Variants in BICC1 observed in about 807,000 individuals in gnomAD.
BICC1 encodes the protein protein bicaudal C homolog 1.
In BICC1, 43 loss-of-function variants were observed where a neutral mutation model predicts 111.0. That is an observed-to-expected ratio of 0.39 (90% confidence interval 0.30 to 0.50). The LOEUF (loss-of-function observed/expected upper bound fraction) is 0.50, where lower values mean the gene tolerates loss of function less well. Ranked by LOEUF, BICC1 falls within the 20% of genes least tolerant of loss-of-function variation. BICC1 has a pLI of 0.88. For synonymous variants in BICC1, 467 were observed against 434.4 expected, an observed-to-expected ratio of 1.07 and a Z score of -0.93; for missense variants, 1,091 against 1,203.2, an observed-to-expected ratio of 0.91 and a Z score of 1.38.
chr10:58,701,981 G>T, intron 2 of BICC1, 93 bp from the exon 3 acceptor site: 1 of 897,262 alleles, frequency 1.1e-6, no homozygotes. Flanking sequence ...ATGAACTTAG[G>T]AACTTGAAAA....
intron 3 of BICC1, among the ~76,000 whole-genome samples, chr10:58,748,696 G>A (rs1281836788): frequency 6.6e-6 from 1 of 152,108 alleles, no homozygotes; most frequent in Non-Finnish European, 1.5e-5. Flanking sequence ...GGAGCATGTA[G>A]GGTATTGTAC....
At position 58,513,255 on chromosome 10, in the gene BICC1, G is replaced by T. The variant is rs555230848; in HGVS notation, c.112G>T (p.Gly38Trp). ...CGGCTCCGAGGACGACTTGGTCGCC[G>T]GGGCGACCCTGCACAGCCCGGAGTG... Reference protein sequence around the residue: ...VPGSEDDLVAGATLHSPEWSE... With the variant: ...VPGSEDDLVAWATLHSPEWSE... The change falls in exon 1 of 21, where the codon GGG becomes TGG. Residue 38 changes from glycine (G) to tryptophan (W), a missense_variant. By Grantham distance (184) the Gly-to-Trp change is radical. Coordinates refer to ENST00000373886, the MANE Select transcript of BICC1 (RefSeq NM_001080512.3). 1 of 1,613,012 alleles carries T rather than the reference G, an allele frequency of 6.2e-7. No homozygotes were observed. The highest frequency in any genetic ancestry group is 1.7e-5 in the Admixed American group (1 of 59,976).
chr10:58,512,396 C>CTGTCCCAGT (rs1842108523), upstream of BICC1, among the ~76,000 whole-genome samples: 1 of 152,240 alleles, frequency 6.6e-6, no homozygotes, highest in South Asian at 2.1e-4. Context: ...CCAACTGGGG[C>CTGTCCCAGT]TGTGAGTTTC....
Position 58,752,504 on chromosome 10 carries a change from T to C in BICC1, c.308-32497T>C, listed in dbSNP as rs563560279. Among the ~76,000 whole-genome samples the C allele has an allele frequency of 1.2e-3, 186 of 152,246 alleles. 1 individual carries two copies. The highest frequency in any genetic ancestry group is 4.3e-3 in the African/African-American group (178 of 41,552). ...CAGCAGTTGAACCAGGGCTCAATAA[T>C]GGGTGAAGAGAGAAAGAACAATTTT... On this transcript the variant is annotated intron_variant, in intron 3 of 20. Coordinates refer to ENST00000373886, the MANE Select transcript of BICC1 (RefSeq NM_001080512.3).
intron 3 of BICC1, among the ~76,000 whole-genome samples, chr10:58,740,922 A>G (rs551279040): frequency 6.6e-6 from 1 of 152,350 alleles, no homozygotes; most frequent in East Asian, 1.9e-4. Context: ...CTGAAAGCCC[A>G]CATATTTCAT....
intron 1 of BICC1, among the ~76,000 whole-genome samples, chr10:58,556,612 G>C (rs1843455266): frequency 6.6e-6 from 1 of 151,920 alleles, no homozygotes; most frequent in Admixed American, 6.6e-5. Context: ...TCTTCAGATT[G>C]CTCATGAGTT....
intron 3 of BICC1, among the ~76,000 whole-genome samples, chr10:58,738,100 C>T (rs571026074): frequency 6.6e-6 from 1 of 152,216 alleles, no homozygotes; most frequent in Non-Finnish European, 1.5e-5. Flanking sequence ...TAATTAGATC[C>T]CATTTGTCAA....
At chr10:58,715,685 A>G in intron 3 of BICC1, 1 of 1,593,970 alleles carries the variant, frequency 6.3e-7, no homozygotes, top group Non-Finnish European at 8.6e-7. Context: ...GGGAAGAAGT[A>G]AAAGAGCAAC....
chr10:58,669,044 T>G (rs532526427), intron 2 of BICC1, among the ~76,000 whole-genome samples: 13 of 152,204 alleles, frequency 8.5e-5, no homozygotes, highest in Admixed American at 2.6e-4. Context: ...TAAGAATATT[T>G]CCCAGATTAT....
intron 1 of BICC1, among the ~76,000 whole-genome samples, chr10:58,618,932 A>G (rs555887706): frequency 6.6e-6 from 1 of 152,152 alleles, no homozygotes. Flanking sequence ...GAGGCCACCT[A>G]CATTCCTTGG....
chr10:58,769,469 A>G (rs980719608), intron 3 of BICC1, among the ~76,000 whole-genome samples: 3 of 144,312 alleles, frequency 2.1e-5, no homozygotes, highest in African/African-American at 5.0e-5. Context: ...TTATTTGTCA[A>G]TCACTCCTAA....
chr10:58,620,906 G>T lies in BICC1; in HGVS notation c.237+5G>T. 2 of 1,612,986 alleles carry T rather than the reference G, an allele frequency of 1.2e-6. No individual in the cohort carries two copies. The highest frequency in any genetic ancestry group is 2.2e-5 in the East Asian group (1 of 44,822). ...GGGGAAGACTTTTTTCAAAAGGTAAGTTGTCTTTTACTCTTGTCATGGTGA... is the reference window on the plus strand; with the variant it reads ...GGGGAAGACTTTTTTCAAAAGGTAATTTGTCTTTTACTCTTGTCATGGTGA... On this transcript the variant is annotated splice_donor_5th_base_variant and intron_variant, in intron 2 of 20. Transcript: ENST00000373886.
chr10:58,709,537 C>A (rs1229532454), intron 3 of BICC1, among the ~76,000 whole-genome samples: 3 of 152,326 alleles, frequency 2.0e-5, no homozygotes, highest in Non-Finnish European at 2.9e-5. Flanking sequence ...ACACTGTAAC[C>A]AGTTCATAGT....
At position 58,828,962 on chromosome 10, in the gene BICC1, C is replaced by T. The variant is rs1167768334; in HGVS notation, c.*71C>T. On this transcript the variant is annotated 3_prime_UTR_variant, in exon 21 of 21. Transcript: ENST00000373886. ...ACAGGAGATGTATGAACAGCCTTCA[C>T]AGCACACCATCCTTAGCACTCTGGG... 3.2e-6 allele frequency: 5 copies of T among 1,580,566 alleles called. No individual in the cohort carries two copies. The highest frequency in any genetic ancestry group is 1.3e-5 in the African/African-American group (1 of 74,236).
chr10:58,647,699 A>G (rs1321208841), intron 2 of BICC1, among the ~76,000 whole-genome samples: 2 of 151,982 alleles, frequency 1.3e-5, no homozygotes, highest in Non-Finnish European at 2.9e-5. Flanking sequence ...CTACTTTTCA[A>G]TCTTTTTGAT....
At chr10:58,532,895 G>T (rs867068808) in intron 1 of BICC1, among the ~76,000 whole-genome samples, 1 of 151,770 alleles carries the variant, frequency 6.6e-6, no homozygotes, top group South Asian at 2.1e-4. Flanking sequence ...ACATGGTTTT[G>T]CCAGTACAAT....
At chr10:58,581,654 G>A (rs747262435) in intron 1 of BICC1, among the ~76,000 whole-genome samples, 46 of 152,068 alleles carry the variant, frequency 3.0e-4, no homozygotes, top group Admixed American at 1.3e-4. Context: ...CGTGTCTGTG[G>A]TCAGATCCTG....
At chr10:58,773,543 G>T (rs891908895) in intron 3 of BICC1, among the ~76,000 whole-genome samples, 7 of 152,212 alleles carry the variant, frequency 4.6e-5, no homozygotes, top group Non-Finnish European at 1.0e-4. Context: ...GCAAGGGGAG[G>T]ACAAGGTATT....
At chr10:58,551,117 T>TTTCATAAAAG (rs1357681683) in intron 1 of BICC1, among the ~76,000 whole-genome samples, 2 of 152,146 alleles carry the variant, frequency 1.3e-5, no homozygotes, top group African/African-American at 4.8e-5. Flanking sequence ...TCCTTCACTA[T>TTTCATAAAAG]TTCATAAAAG....
Sources: gnomAD v4.1 joint callset for allele counts (sites outside exome capture counted in the v4.1 genomes callset) on GRCh38, gnomAD v4.1.1 for gene constraint, MANE v1.5 for transcripts, NCBI Gene and HGNC (gene_info 2026-07-23, HGNC 2026-07-21) for gene names.